Variants in NRROS observed in about 807,000 individuals in gnomAD.
NRROS encodes negative regulator of reactive oxygen species.
NRROS carries 6 observed loss-of-function variants against 12.0 expected under a neutral mutation model. The observed-to-expected ratio is 0.50, with a 90% confidence interval of 0.27 to 0.98. NRROS has a LOEUF of 0.98. Among genes scored for constraint, NRROS ranks in the 50% least tolerant of loss-of-function variants. The probability of loss-of-function intolerance (pLI) is 0.11; values close to 1 mark genes in which losing one functional copy is unlikely to be tolerated. For missense variants in NRROS, 857 were observed against 888.2 expected (o/e 0.96, Z 0.45); for synonymous variants, 462 against 410.2 (o/e 1.13, Z -1.53).
chr3:196,661,565 G>A lies in NRROS; in HGVS notation c.1922G>A (p.Cys641Tyr). 1 of 1,614,048 alleles carries A rather than the reference G, an allele frequency of 6.2e-7. No homozygotes were observed. The highest frequency in any genetic ancestry group is 8.5e-7 in the Non-Finnish European group (1 of 1,180,022). Residue 641 changes from cysteine to tyrosine, a missense_variant, in exon 3 of 3, where the codon TGC (cysteine) becomes TAC (tyrosine). Cys to Tyr is a radical substitution (Grantham distance 194, BLOSUM62 -2). Coordinates refer to ENST00000328557, the MANE Select transcript of NRROS (RefSeq NM_198565.3). ...TELPGGVPRDCKWERLDLGLL... is the reference protein window; with the variant it reads ...TELPGGVPRDYKWERLDLGLL... ...CTGCCCGGAGGTGTGCCTCGGGACT[G>A]CAAGTGGGAGCGGCTGGACCTGGGC...
rs1160724368 is a variant in NRROS, at chr3:196,658,817, AAAG to A, written c.109-934_109-932del. Among the ~76,000 whole-genome samples, 12 of 152,150 alleles carry A rather than the reference AAAG, an allele frequency of 7.9e-5. No individual in the cohort carries two copies. In the East Asian group the frequency reaches 1.7e-3, roughly 22 times the overall value. On this transcript the variant is annotated intron_variant, in intron 2 of 2. Coordinates refer to ENST00000328557, the MANE Select transcript of NRROS (RefSeq NM_198565.3). ...CCCCGTCTCTACTAAAAATACAAAA[AAAG>A]TTAGCTGGGCGTGGTGGCATGTGCC...
intron 1 of NRROS, among the ~76,000 whole-genome samples, chr3:196,643,810 C>T (rs946108899): frequency 6.6e-6 from 1 of 152,338 alleles, no homozygotes; most frequent in East Asian, 1.9e-4. Flanking sequence ...TCTACCCTTG[C>T]AGTGTCTCCC....
At chr3:196,649,754 G>A (rs1737384215) in intron 1 of NRROS, among the ~76,000 whole-genome samples, 1 of 152,254 alleles carries the variant, frequency 6.6e-6, no homozygotes, top group Non-Finnish European at 1.5e-5. Context: ...ACAGGCGTGA[G>A]CCACTGCGCC....
chr3:196,641,152 A>C (rs1737200827), intron 1 of NRROS, among the ~76,000 whole-genome samples: 1 of 152,030 alleles, frequency 6.6e-6, no homozygotes, highest in South Asian at 2.1e-4. Context: ...AAACAAAACA[A>C]AACAAAACAA....
chr3:196,659,002 C>T (rs943831761), intron 2 of NRROS, among the ~76,000 whole-genome samples: 2 of 152,118 alleles, frequency 1.3e-5, no homozygotes, highest in African/African-American at 4.8e-5. Context: ...CCATTTTTGT[C>T]CTAGACACCT....
At chr3:196,648,480 C>T (rs74626344) in intron 1 of NRROS, among the ~76,000 whole-genome samples, 8,587 of 152,124 alleles carry the variant, frequency 0.056, 328 homozygotes, top group Admixed American at 0.083. Context: ...TAAAATCCAA[C>T]ATCCGGCCAA....
intron 2 of NRROS, among the ~76,000 whole-genome samples, chr3:196,658,606 C>T (rs1405858269): frequency 6.6e-6 from 1 of 152,182 alleles, no homozygotes; most frequent in African/African-American, 2.4e-5. Flanking sequence ...TGTAGGCAAC[C>T]ACTGCCCTTG....
Position 196,661,547 on chromosome 3 carries a change from G to T in NRROS, c.1904G>T (p.Gly635Val). 6.2e-7 allele frequency: 1 copy of T among 1,614,044 alleles called. No individual in the cohort carries two copies. The highest frequency in any genetic ancestry group is 8.5e-7 in the Non-Finnish European group (1 of 1,180,014). ...ATCATCCGCGTGACGGAGCTGCCCG[G>T]AGGTGTGCCTCGGGACTGCAAGTGG... ...SKIIRVTELP[G>V]GVPRDCKWER... Residue 635 changes from glycine to valine, a missense_variant, in exon 3 of 3, where the codon GGA (glycine) becomes GTA (valine). Gly to Val is a moderately radical substitution (Grantham distance 109). Coordinates refer to ENST00000328557, the MANE Select transcript of NRROS (RefSeq NM_198565.3).
chr3:196,650,554 T>C (rs1053850380), intron 1 of NRROS, among the ~76,000 whole-genome samples: 4 of 152,224 alleles, frequency 2.6e-5, no homozygotes, highest in African/African-American at 9.6e-5. Flanking sequence ...GTGCTGGGAT[T>C]ACAGGCGTAA....
At chr3:196,655,418 C>T (rs1341670998) in intron 2 of NRROS, among the ~76,000 whole-genome samples, 2 of 151,698 alleles carry the variant, frequency 1.3e-5, no homozygotes, top group Admixed American at 6.6e-5. Flanking sequence ...GCCTGTAATT[C>T]CAGCTACTTG....
intron 1 of NRROS, among the ~76,000 whole-genome samples, chr3:196,645,601 C>T (rs2108636103): frequency 6.6e-6 from 1 of 152,290 alleles, no homozygotes; most frequent in African/African-American, 2.4e-5. Flanking sequence ...AGTGATTATG[C>T]AGACCTCGAA....
At position 196,661,860 on chromosome 3, in the gene NRROS, T is replaced by C. The variant is rs1737695764; in HGVS notation, c.*138T>C. 3.0e-6 allele frequency: 2 copies of C among 667,796 alleles called. No individual in the cohort carries two copies. Among genetic ancestry groups the C allele is most frequent in the Admixed American group, 3.2e-5 (1 of 31,566 alleles). 41.4% of individuals were successfully genotyped at this position (667,796 alleles called of 1,614,324 possible). A position where few individuals can be genotyped will look rare whatever the true frequency, so the allele number is the denominator to read the frequency against. ...AAATTTAATATGTTTCCATTCCTCA[T>C]CGCCCACCCCACCCCCGCCCCCACC... On this transcript the variant is annotated 3_prime_UTR_variant, in exon 3 of 3. Coordinates refer to ENST00000328557, the MANE Select transcript of NRROS (RefSeq NM_198565.3).
chr3:196,649,721 C>T (rs944924340), intron 1 of NRROS, among the ~76,000 whole-genome samples: 3 of 152,178 alleles, frequency 2.0e-5, no homozygotes, highest in Admixed American at 1.3e-4. Context: ...TCACCCGCCT[C>T]GGCCTCCCAA....
Position 196,654,661 on chromosome 3 carries a change from G to A in NRROS, c.108+14G>A, listed in dbSNP as rs1440997736. On this transcript the variant is annotated intron_variant, in intron 2 of 2. Coordinates refer to ENST00000328557, the MANE Select transcript of NRROS (RefSeq NM_198565.3). This position sits in a 1 kb window ranked among gnomAD's most constrained non-coding sequence, Gnocchi z 4.4. Reference sequence around the variant, plus strand: ...GTCTGCAAGTTGGTGAGTTTCCCTTGAACCCTGATCTGTCGGCTGCTCCTG... The same window carrying A: ...GTCTGCAAGTTGGTGAGTTTCCCTTAAACCCTGATCTGTCGGCTGCTCCTG... 3.3e-6 allele frequency: 5 copies of A among 1,530,032 alleles called. No homozygotes were observed. In the African/African-American group the frequency reaches 5.5e-5, roughly 17 times the overall value. The allele number at this position is 1,530,032 out of a possible 1,614,324, so 94.8% of individuals were successfully genotyped here. A position where few individuals can be genotyped will look rare whatever the true frequency, so the allele number is the denominator to read the frequency against.
At chr3:196,648,608 A>G (rs1480715325) in intron 1 of NRROS, among the ~76,000 whole-genome samples, 1 of 151,880 alleles carries the variant, frequency 6.6e-6, no homozygotes, top group Admixed American at 6.6e-5. Flanking sequence ...CTCTACTAAA[A>G]ATACAAAATT....
intron 1 of NRROS, among the ~76,000 whole-genome samples, chr3:196,652,635 G>A (rs1186564022): frequency 6.6e-6 from 1 of 152,172 alleles, no homozygotes; most frequent in African/African-American, 2.4e-5. Context: ...GGAAGGAGAG[G>A]ATATGTTTTA....
At position 196,661,584 on chromosome 3, in the gene NRROS, C is replaced by T. The variant is rs768287141; in HGVS notation, c.1941C>T (p.Asp647=). The change falls in exon 3 of 3, where the codon GAC becomes GAT. Residue 647 remains aspartate, a synonymous_variant. Coordinates refer to ENST00000328557, the MANE Select transcript of NRROS (RefSeq NM_198565.3). ...VPRDCKWERL[D]LGLLYLVLIL... ...GGGACTGCAAGTGGGAGCGGCTGGA[C>T]CTGGGCCTGCTCTACCTCGTGCTCA... 1.2e-6 allele frequency: 2 copies of T among 1,613,894 alleles called. No homozygotes were observed. Among genetic ancestry groups the T allele is most frequent in the Non-Finnish European group, 1.7e-6 (2 of 1,180,016 alleles).
Position 196,661,761 on chromosome 3 carries a change from C to T in NRROS, c.*39C>T. On this transcript the variant is annotated 3_prime_UTR_variant, in exon 3 of 3. Coordinates refer to ENST00000328557, the MANE Select transcript of NRROS (RefSeq NM_198565.3). ...CAAGACTCGAAATTCGGTCCGCACA[C>T]AACAGGACACTTTCTCTGCCAGCTT... The T allele has an allele frequency of 6.7e-7, 1 of 1,501,178 alleles. No individual in the cohort carries two copies. Among genetic ancestry groups the T allele is most frequent in the Non-Finnish European group, 8.9e-7 (1 of 1,117,926 alleles). 93.0% of individuals were successfully genotyped at this position (1,501,178 alleles called of 1,614,324 possible). A position where few individuals can be genotyped will look rare whatever the true frequency, so the allele number is the denominator to read the frequency against.
chr3:196,647,178 T>C (rs1258477161), intron 1 of NRROS, among the ~76,000 whole-genome samples: 2 of 152,214 alleles, frequency 1.3e-5, no homozygotes, highest in Non-Finnish European at 2.9e-5. Context: ...TATTTTTATG[T>C]ACATTGTATT....
Sources: gnomAD v4.1 joint callset for allele counts (sites outside exome capture counted in the v4.1 genomes callset) on GRCh38, gnomAD v4.1.1 for gene constraint, Gnocchi (gnomAD v3.1) non-coding constraint, MANE v1.5 for transcripts, NCBI Gene and HGNC (gene_info 2026-07-23, HGNC 2026-07-21) for gene names.